Variants in ARV1 observed in about 807,000 individuals in gnomAD.
The protein encoded by ARV1 is protein ARV1.
Under a neutral mutation model 31.1 loss-of-function variants are expected in ARV1, and 26 were observed. The ratio of observed to expected loss-of-function variants is 0.84; its 90% confidence interval spans 0.61 to 1.16. The LOEUF is 1.16. ARV1 is among the 50% of genes most tolerant of loss of function. ARV1 has a pLI of 0.00. For missense variants in ARV1, 281 were observed against 324.9 expected, an observed-to-expected ratio of 0.86 and a Z score of 1.04; for synonymous variants, 117 against 123.2, an observed-to-expected ratio of 0.95 and a Z score of 0.34.
At chr1:230,998,168 G>C (rs758833921) in intron 5 of ARV1, among the ~76,000 whole-genome samples, 1 of 152,178 alleles carries the variant, frequency 6.6e-6, no homozygotes, top group Non-Finnish European at 1.5e-5. Flanking sequence ...CAGCCAGACT[G>C]TGGATGGCAG....
chr1:230,986,668 A>ATTTTTT lies in ARV1; in HGVS notation c.175-1619_175-1614dup, dbSNP rs1162209283. On this transcript the variant is annotated intron_variant, in intron 1 of 5. Transcript: ENST00000310256. The stretch of plus-strand genomic sequence containing the variant: ...CACCCACAAATGTAATACTTTTCCT[A>ATTTTTT]TTTTTTTTTTTTTTTTTTTTTTTTT... Among the ~76,000 whole-genome samples the ATTTTTT allele has an allele frequency of 2.4e-4, 15 of 62,352 alleles. 2 individuals are homozygous for ATTTTTT. The highest frequency in any genetic ancestry group is 5.1e-4 in the African/African-American group (9 of 17,814). 40.9% of individuals were successfully genotyped at this position (62,352 alleles called of 152,430 possible).
At chr1:230,998,533 G>A (rs1679434488) in intron 5 of ARV1, among the ~76,000 whole-genome samples, 2 of 152,128 alleles carry the variant, frequency 1.3e-5, no homozygotes, top group Non-Finnish European at 2.9e-5. Context: ...ATGTAAGCCT[G>A]CTTCCCCTGT....
In ARV1 at chr1:230,994,141, G is replaced by C. The variant is rs544544795; in HGVS notation, c.449-1619G>C. Among the ~76,000 whole-genome samples the C allele has an allele frequency of 1.2e-4, 18 of 152,308 alleles. No individual in the cohort carries two copies. The East Asian group carries it at 3.5e-3, about 29-fold the overall frequency. On this transcript the variant is annotated intron_variant, in intron 3 of 5. Transcript: ENST00000310256. The stretch of plus-strand genomic sequence containing the variant: ...CCACACTGGAGTATTCTATACGTAG[G>C]TAGCAGCTCCTTCTGAACTGACCTG...
intron 2 of ARV1, 29 bp from the exon 3 acceptor site, chr1:230,990,081 A>G (rs1679186802): frequency 6.3e-7 from 1 of 1,581,218 alleles, no homozygotes. Flanking sequence ...TTCCTTACCT[A>G]ATTGAATGGC....
intron 2 of ARV1, 90 bp from the exon 3 acceptor site, chr1:230,990,020 A>AG: frequency 3.8e-6 from 5 of 1,317,512 alleles, no homozygotes; most frequent in Non-Finnish European, 5.1e-6. Flanking sequence ...AAAAGTGACT[A>AG]GGTGGGATGC....
At position 230,995,898 on chromosome 1, in the gene ARV1, C is replaced by T. The variant is rs1463881068; in HGVS notation, c.587C>T (p.Ala196Val). Reference sequence around the variant, plus strand: ...TACGGAAAACTCTTGCTGATTCCAGCTGTCATTTGGGAACATGACTACACA... The same window carrying T: ...TACGGAAAACTCTTGCTGATTCCAGTTGTCATTTGGGAACATGACTACACA... ...SSYGKLLLIP[A>V]VIWEHDYTSV... The change falls in exon 4 of 6, where the codon GCT (alanine) becomes GTT (valine). Residue 196 changes from alanine to valine, a missense_variant. Ala to Val is a moderately conservative substitution (Grantham distance 64, BLOSUM62 0). Coordinates refer to ENST00000310256, the MANE Select transcript of ARV1 (RefSeq NM_022786.3). The T allele has an allele frequency of 6.2e-7, 1 of 1,614,100 alleles. No individual in the cohort carries two copies. Among genetic ancestry groups the T allele is most frequent in the African/African-American group, 1.3e-5 (1 of 75,028 alleles).
chr1:230,979,344 G>T, intron 1 of ARV1, 65 bp downstream of exon 1: 2 of 1,564,272 alleles, frequency 1.3e-6, no homozygotes, highest in Non-Finnish European at 1.8e-6. Flanking sequence ...GGGACCGCGA[G>T]GAGCAGGGTC....
At chr1:230,991,692 C>T (rs185806147) in intron 3 of ARV1, among the ~76,000 whole-genome samples, 1 of 147,088 alleles carries the variant, frequency 6.8e-6, no homozygotes. Context: ...AGTGCAGTGG[C>T]GCGGTCTTGA....
chr1:230,990,074 C>T (rs1679186691), intron 2 of ARV1, 36 bp from the exon 3 acceptor site: 1 of 1,574,908 alleles, frequency 6.3e-7, no homozygotes, highest in Non-Finnish European at 8.6e-7. Context: ...ACTGGGTTTC[C>T]TTACCTAATT....
intron 3 of ARV1, among the ~76,000 whole-genome samples, chr1:230,991,753 T>A (rs1165025972): frequency 6.6e-6 from 1 of 151,100 alleles, no homozygotes; most frequent in Non-Finnish European, 1.5e-5. Context: ...TGCCTTAGCC[T>A]CCCGAGTAGC....
At chr1:230,995,725 G>A (rs750640505) in intron 3 of ARV1, 35 bp from the exon 4 acceptor site, 45 of 1,517,318 alleles carry the variant, frequency 3.0e-5, no homozygotes, top group Non-Finnish European at 3.6e-5. Context: ...TTTGGATGGG[G>A]ACATTCATAC....
chr1:230,991,133 T>A (rs1679217057), intron 3 of ARV1, among the ~76,000 whole-genome samples: 1 of 152,228 alleles, frequency 6.6e-6, no homozygotes, highest in Admixed American at 6.5e-5. Context: ...ATTGTTTTCC[T>A]AGTGTCAGAA....
At chr1:230,982,620 C>T (rs188096530) in intron 1 of ARV1, among the ~76,000 whole-genome samples, 99 of 152,192 alleles carry the variant, frequency 6.5e-4, no homozygotes, top group African/African-American at 2.2e-3. Context: ...TTTATGGATT[C>T]GTTATTGTCC....
At chr1:230,987,978 A>G (rs1679130145) in intron 1 of ARV1, among the ~76,000 whole-genome samples, 1 of 152,246 alleles carries the variant, frequency 6.6e-6, no homozygotes, top group Admixed American at 6.5e-5. Flanking sequence ...AATTGCTACA[A>G]ATTGAAAGTG....
intron 4 of ARV1, among the ~76,000 whole-genome samples, 168 bp from the exon 5 acceptor site, chr1:230,996,953 T>C (rs977099981): frequency 7.2e-5 from 11 of 152,186 alleles, no homozygotes; most frequent in African/African-American, 2.7e-4. Flanking sequence ...TTTGGTTCTC[T>C]AAAAATGTGT....
chr1:230,979,179 C>G lies in ARV1; in HGVS notation c.74C>G (p.Ala25Gly), dbSNP rs1266278821. Residue 25 changes from alanine (A) to glycine (G), a missense_variant, in exon 1 of 6, where the codon GCT becomes GGT. Physicochemically the swap from Ala to Gly is moderately conservative, Grantham distance 60 (BLOSUM62 0). Transcript: ENST00000310256. The stretch of plus-strand genomic sequence containing the variant: ...GATGGGGTGGCAGCGACTCCTACTG[C>G]TGCCTCGGCCTCCTGCCAGTACAGG... ...NVDGVAATPT[A>G]ASASCQYRCI... 2 of 1,613,294 alleles carry G rather than the reference C, an allele frequency of 1.2e-6. No individual in the cohort carries two copies. Among genetic ancestry groups the G allele is most frequent in the South Asian group, 2.2e-5 (2 of 90,974 alleles).
chr1:230,983,351 G>A (rs1192198330), intron 1 of ARV1, among the ~76,000 whole-genome samples: 3 of 149,260 alleles, frequency 2.0e-5, no homozygotes, highest in Non-Finnish European at 4.4e-5. Flanking sequence ...GGCAGAGGTT[G>A]CAGTGAAGCT....
chr1:230,996,510 G>A (rs1345461337), intron 4 of ARV1, among the ~76,000 whole-genome samples: 1 of 152,058 alleles, frequency 6.6e-6, no homozygotes, highest in Non-Finnish European at 1.5e-5. Context: ...GCAGTGATGT[G>A]ATCAGAACTC....
intron 4 of ARV1, 124 bp from the exon 5 acceptor site, chr1:230,996,997 T>A: frequency 8.3e-7 from 1 of 1,199,022 alleles, no homozygotes; most frequent in Non-Finnish European, 1.2e-6. Flanking sequence ...ACAGCATAGA[T>A]TAATAAGAAC....
Sources: gnomAD v4.1 joint callset for allele counts (sites outside exome capture counted in the v4.1 genomes callset) on GRCh38, gnomAD v4.1.1 for gene constraint, MANE v1.5 for transcripts, NCBI Gene and HGNC (gene_info 2026-07-23, HGNC 2026-07-21) for gene names.